HECW1: variants seen among roughly 807,000 people sequenced by gnomAD.
HECW1 encodes the protein HECT, C2 and WW domain containing E3 ubiquitin protein ligase 1.
A neutral mutation model predicts 182.3 loss-of-function variants in HECW1; 61 were observed. The ratio of observed to expected loss-of-function variants is 0.33; its 90% confidence interval spans 0.27 to 0.41. HECW1 has a LOEUF of 0.41. Among genes scored for constraint, HECW1 ranks in the 10% least tolerant of loss-of-function variants. The pLI, the probability that HECW1 is intolerant of heterozygous loss-of-function variation, is 1.00. For synonymous variants in HECW1, 859 were observed against 832.6 expected, an observed-to-expected ratio of 1.03 and a Z score of -0.55; for missense variants, 1,739 against 2,108.9, an observed-to-expected ratio of 0.82 and a Z score of 3.44.
intron 2 of HECW1, among the ~76,000 whole-genome samples, chr7:43,136,575 G>A (rs1194928398): frequency 6.6e-6 from 1 of 152,206 alleles, no homozygotes; most frequent in Non-Finnish European, 1.5e-5. Flanking sequence ...ATGGAGGAAT[G>A]ACAACCCATT....
At chr7:43,131,295 C>T (rs1786892458) in intron 2 of HECW1, among the ~76,000 whole-genome samples, 1 of 152,108 alleles carries the variant, frequency 6.6e-6, no homozygotes, top group South Asian at 2.1e-4. Context: ...TTTAATCCTT[C>T]CAAGTTTGTG....
intron 11 of HECW1, among the ~76,000 whole-genome samples, chr7:43,446,359 T>C (rs1398707606): frequency 6.6e-6 from 1 of 152,254 alleles, no homozygotes; most frequent in African/African-American, 2.4e-5. Context: ...TGCATTTCCT[T>C]ATCCAGGAGT....
Position 43,120,734 on chromosome 7 carries a change from C to A in HECW1, c.-32+6343C>A, listed in dbSNP as rs111730061. 3.5e-3 allele frequency among the ~76,000 whole-genome samples: 531 copies of A among 152,220 alleles called. 3 individuals are homozygous for A. Among genetic ancestry groups the A allele is most frequent in the African/African-American group, 0.012 (514 of 41,522 alleles). ...TCTTGGCTCACTACAACCTCCGCCT[C>A]CCAGGCTCAAGTGATTTTTCTGCCT... On this transcript the variant is annotated intron_variant, in intron 2 of 29. Coordinates refer to ENST00000395891, the MANE Select transcript of HECW1 (RefSeq NM_015052.5).
At chr7:43,120,237 A>AC in intron 2 of HECW1, among the ~76,000 whole-genome samples, 1 of 152,260 alleles carries the variant, frequency 6.6e-6, no homozygotes, top group East Asian at 1.9e-4. Flanking sequence ...AGGTACAAAT[A>AC]CTGTTCCCTT....
At chr7:43,436,111 C>G (rs1302627220) in intron 8 of HECW1, among the ~76,000 whole-genome samples, 2 of 141,910 alleles carry the variant, frequency 1.4e-5, no homozygotes, top group East Asian at 4.1e-4. Flanking sequence ...TTGCAGTGAG[C>G]CAAGATTGTG....
chr7:43,498,651 T>C (rs544457630), intron 19 of HECW1, among the ~76,000 whole-genome samples: 8 of 152,210 alleles, frequency 5.3e-5, no homozygotes, highest in African/African-American at 1.9e-4. Context: ...CTAAATGACA[T>C]GTGGACACTG....
At chr7:43,191,576 A>G (rs370496625) in intron 2 of HECW1, among the ~76,000 whole-genome samples, 2 of 152,130 alleles carry the variant, frequency 1.3e-5, no homozygotes, top group East Asian at 1.9e-4. Flanking sequence ...TTCTATTTTT[A>G]GCCTTTCAGG....
At chr7:43,405,120 C>T (rs891166828) in intron 7 of HECW1, among the ~76,000 whole-genome samples, 8 of 152,110 alleles carry the variant, frequency 5.3e-5, no homozygotes, top group Admixed American at 6.5e-5. Flanking sequence ...CTCTACCTTG[C>T]GGAGTTTGTG....
chr7:43,153,223 G>T (rs1789530403), intron 2 of HECW1, among the ~76,000 whole-genome samples: 1 of 151,882 alleles, frequency 6.6e-6, no homozygotes, highest in Non-Finnish European at 1.5e-5. Context: ...TATATGGATT[G>T]TTTCATTGTC....
intron 24 of HECW1, among the ~76,000 whole-genome samples, chr7:43,540,715 C>G (rs1362382988): frequency 1.3e-5 from 2 of 152,236 alleles, no homozygotes; most frequent in African/African-American, 4.8e-5. Context: ...TACTCAAACC[C>G]TCCACCTGCC....
chr7:43,505,924 T>C (rs903564258), intron 21 of HECW1, among the ~76,000 whole-genome samples: 3 of 152,204 alleles, frequency 2.0e-5, no homozygotes, highest in African/African-American at 7.2e-5. Context: ...GCTTAGTACC[T>C]GGAATATAGT....
intron 2 of HECW1, among the ~76,000 whole-genome samples, chr7:43,234,829 G>A (rs1283266523): frequency 1.3e-5 from 2 of 152,116 alleles, no homozygotes; most frequent in Non-Finnish European, 2.9e-5. Context: ...GTATGAAGTT[G>A]GCCCACCACA....
At chr7:43,530,383 A>G (rs2080934178) in intron 24 of HECW1, among the ~76,000 whole-genome samples, 1 of 152,050 alleles carries the variant, frequency 6.6e-6, no homozygotes, top group African/African-American at 2.4e-5. Context: ...AAGTAAATAA[A>G]CATAGTTTTA....
At chr7:43,550,259 A>G (rs920730689) in intron 26 of HECW1, among the ~76,000 whole-genome samples, 186 bp from the exon 27 acceptor site, 1 of 152,172 alleles carries the variant, frequency 6.6e-6, no homozygotes, top group Admixed American at 6.5e-5. Flanking sequence ...CTGTGCTCCA[A>G]TCTGCTTAGA....
At chr7:43,297,711 T>G (rs951003440) in intron 3 of HECW1, among the ~76,000 whole-genome samples, 9 of 152,170 alleles carry the variant, frequency 5.9e-5, no homozygotes, top group African/African-American at 2.2e-4. Context: ...AGTGTGTTTA[T>G]AAGATGGCAA....
chr7:43,559,776 G>A (rs2082150680), intron 29 of HECW1, among the ~76,000 whole-genome samples: 1 of 152,144 alleles, frequency 6.6e-6, no homozygotes, highest in Non-Finnish European at 1.5e-5. Flanking sequence ...ACCACACCTG[G>A]AGGGTGGTGA....
In HECW1 at chr7:43,492,113, G is replaced by A; in HGVS notation, c.3273G>A (p.Leu1091=). 1.2e-6 allele frequency: 2 copies of A among 1,606,582 alleles called. No individual in the cohort carries two copies. The highest frequency in any genetic ancestry group is 1.7e-6 in the Non-Finnish European group (2 of 1,177,910). The change falls in exon 18 of 30, where the codon CTG becomes CTA. Residue 1091 remains leucine (L), a synonymous_variant. Transcript: ENST00000395891. ...EVSRNRGASL[L]ARPGHSLVAA... is the part of the protein sequence containing the mutation. The stretch of plus-strand genomic sequence containing the variant: ...CTAGAAACAGAGGAGCCTCTTTACT[G>A]GCCAGGCCAGGACACAGCTTAGTAG...
chr7:43,451,057 A>T, intron 12 of HECW1, 128 bp downstream of exon 12: 1 of 647,804 alleles, frequency 1.5e-6, no homozygotes, highest in South Asian at 1.9e-5. Flanking sequence ...ACAAAGACCA[A>T]TATGACACCT....
rs139450696 is a variant in HECW1 at position 43,309,832 on chromosome 7, G to C, written c.28-1931G>C. ...GGAAGCCTGTTCAGTGACGGAGCCT[G>C]GCTGAGTGCCCAGGCCCTATGTCTC... is the stretch of plus-strand genomic sequence containing the variant. On this transcript the variant is annotated intron_variant, in intron 3 of 29. Transcript: ENST00000395891. Among the ~76,000 whole-genome samples the C allele has an allele frequency of 8.5e-5, 13 of 152,312 alleles. No individual in the cohort carries two copies. In the East Asian group the frequency reaches 2.3e-3, roughly 27 times the overall value.
Sources: allele counts gnomAD v4.1 joint callset (sites outside exome capture counted in the v4.1 genomes callset), GRCh38; gene constraint gnomAD v4.1.1; transcripts MANE v1.5; gene names NCBI Gene and HGNC (gene_info 2026-07-23, HGNC 2026-07-21).